FBXO41: variants seen among roughly 807,000 people sequenced by gnomAD.
FBXO41 encodes F-box protein 41.
Under a neutral mutation model 81.6 loss-of-function variants are expected in FBXO41, and 33 were observed. The ratio of observed to expected loss-of-function variants is 0.40; its 90% confidence interval spans 0.31 to 0.54. FBXO41 has a LOEUF of 0.54. FBXO41 is among the 20% of genes least tolerant of loss of function. The pLI, the probability that FBXO41 is intolerant of heterozygous loss-of-function variation, is 0.39. For synonymous variants in FBXO41, 576 were observed against 552.7 expected (o/e 1.04, Z -0.59); for missense variants, 1,107 against 1,236.0 (o/e 0.90, Z 1.56).
rs183572427 is a variant in FBXO41 at position 73,261,949 on chromosome 2, G to A, written c.2172-1091C>T. 1.9e-4 allele frequency among the ~76,000 whole-genome samples: 29 copies of A among 150,742 alleles called. No individual in the cohort carries two copies. The East Asian group carries it at 4.5e-3, about 23-fold the overall frequency. On this transcript the variant is annotated intron_variant, in intron 9 of 12. Transcript: ENST00000520530. ...AAATTATTGCAAAGTAGGGCTGGGCGCGGTGGCTTATGCCTGTAATCCCAG... is the reference window on the plus strand; with the variant it reads ...AAATTATTGCAAAGTAGGGCTGGGCACGGTGGCTTATGCCTGTAATCCCAG...
chr2:73,269,252 G>T lies in FBXO41; in HGVS notation c.379C>A (p.Leu127Met). The T allele has an allele frequency of 6.5e-7, 1 of 1,531,006 alleles. No individual in the cohort carries two copies. The highest frequency in any genetic ancestry group is 8.8e-7 in the Non-Finnish European group (1 of 1,139,372). The allele number at this position is 1,531,006 out of a possible 1,614,324, so 94.8% of individuals were successfully genotyped here. ...HFPGDLVPAS[L>M]PCEELAEPGL... is the part of the protein sequence containing the mutation. ...GGCTCGGCCAACTCCTCACAGGGCA[G>T]GCTAGCGGGCACCAGGTCGCCGGGG... The change falls in exon 2 of 13, where the codon CTG (leucine) becomes ATG (methionine). Residue 127 changes from leucine (L) to methionine (M), a missense_variant. This residue lies in a region of FBXO41 where 771 missense variants were observed against 789.2 expected (regional missense o/e 0.98). Transcript: ENST00000520530. This position sits in a 1 kb window ranked among gnomAD's most constrained non-coding sequence, Gnocchi z 7.0.
intron 1 of FBXO41, among the ~76,000 whole-genome samples, chr2:73,276,607 AGAGAGG>A (rs1688696331): frequency 1.1e-5 from 1 of 90,670 alleles, no homozygotes; most frequent in African/African-American, 6.4e-5. Context: ...AGAGAGAGGG[AGAGAGG>A]GAGAGAGGGA....
chr2:73,278,128 T>C (rs1397475297), intron 1 of FBXO41, among the ~76,000 whole-genome samples: 1 of 152,200 alleles, frequency 6.6e-6, no homozygotes, highest in Non-Finnish European at 1.5e-5. Context: ...TGGGATCCCA[T>C]GCTAGGACAG....
At position 73,258,664 on chromosome 2, in the gene FBXO41, G is replaced by T; in HGVS notation, c.*318C>A. On this transcript the variant is annotated 3_prime_UTR_variant, in exon 13 of 13. Coordinates refer to ENST00000520530, the MANE Select transcript of FBXO41 (RefSeq NM_001371389.2). ...GCTGAGGAGCCACTGGGTGGTTATT[G>T]CAGATCCTCCAGGTGATGACACCAG... 2.9e-6 allele frequency: 1 copy of T among 349,374 alleles called. No individual in the cohort carries two copies. The allele number at this position is 349,374 out of a possible 1,614,324, so 21.6% of individuals were successfully genotyped here. A position where few individuals can be genotyped will look rare whatever the true frequency, so the allele number is the denominator to read the frequency against.
At chr2:73,267,036 A>G (rs1431633753) in intron 2 of FBXO41, among the ~76,000 whole-genome samples, 1 of 152,174 alleles carries the variant, frequency 6.6e-6, no homozygotes, top group African/African-American at 2.4e-5. Context: ...ATGTACATCC[A>G]TATGCCATAA....
chr2:73,259,921 T>C lies in FBXO41; in HGVS notation c.2449+468A>G, dbSNP rs759267385. On this transcript the variant is annotated intron_variant, in intron 11 of 12. Coordinates refer to ENST00000520530, the MANE Select transcript of FBXO41 (RefSeq NM_001371389.2). This position sits in a 1 kb window ranked among gnomAD's most constrained non-coding sequence, Gnocchi z 4.2. ...GGAGCCAAAGGGTCCTGGCTGGTGGTCTCCTTGGGCAGGAGCAGCCCACAC... is the reference window on the plus strand; with the variant it reads ...GGAGCCAAAGGGTCCTGGCTGGTGGCCTCCTTGGGCAGGAGCAGCCCACAC... Among the ~76,000 whole-genome samples the C allele has an allele frequency of 3.3e-5, 5 of 151,982 alleles. No individual in the cohort carries two copies. Among genetic ancestry groups the C allele is most frequent in the Admixed American group, 6.5e-5 (1 of 15,272 alleles).
Position 73,266,873 on chromosome 2 carries a change from G to T in FBXO41, c.906-191C>A. ...ATGACACATACAGAAATGCATGCAT[G>T]CACTCCGAGCCACACACTCACACCC... is the stretch of plus-strand genomic sequence containing the variant. On this transcript the variant is annotated intron_variant, in intron 2 of 12. Coordinates refer to ENST00000520530, the MANE Select transcript of FBXO41 (RefSeq NM_001371389.2). The surrounding 1 kb of genome is among the most constrained non-coding windows in gnomAD (Gnocchi z 5.3). 1.2e-6 allele frequency: 1 copy of T among 852,328 alleles called. No homozygotes were observed. Among genetic ancestry groups the T allele is most frequent in the Non-Finnish European group, 1.6e-6 (1 of 612,212 alleles). The allele number at this position is 852,328 out of a possible 1,614,324, so 52.8% of individuals were successfully genotyped here.
At chr2:73,282,730 C>G (rs1482325424) in intron 1 of FBXO41, among the ~76,000 whole-genome samples, 1 of 152,126 alleles carries the variant, frequency 6.6e-6, no homozygotes, top group East Asian at 1.9e-4. Flanking sequence ...AAAACAAAAA[C>G]AAAAATGAAG....
rs1687943242 is a variant in FBXO41 at position 73,259,865 on chromosome 2, A to T, written c.2449+524T>A. 6.6e-6 allele frequency among the ~76,000 whole-genome samples: 1 copy of T among 152,058 alleles called. No homozygotes were observed. Among genetic ancestry groups the T allele is most frequent in the South Asian group, 2.1e-4 (1 of 4,810 alleles). On this transcript the variant is annotated intron_variant, in intron 11 of 12. Transcript: ENST00000520530. This position sits in a 1 kb window ranked among gnomAD's most constrained non-coding sequence, Gnocchi z 4.2. ...AAGGTCTTGGAAAGAGGGTCAAGGCACCTTGGCGCAGTTGGCATGGGGTCC... is the reference window on the plus strand; with the variant it reads ...AAGGTCTTGGAAAGAGGGTCAAGGCTCCTTGGCGCAGTTGGCATGGGGTCC...
Position 73,265,442 on chromosome 2 carries a change from C to T in FBXO41, c.1404G>A (p.Gln468=). 1.2e-6 allele frequency: 2 copies of T among 1,607,244 alleles called. No homozygotes were observed. The highest frequency in any genetic ancestry group is 1.1e-5 in the South Asian group (1 of 91,020). ...GTCGGCGGGGTCTGCGCTGCCAGTT[C>T]TGGATGGCCTGGCGCCGCAGGCCTG... ...RSSGLRRQAI[Q]NWQRRPRRHS... The change falls in exon 5 of 13, where the codon CAG becomes CAA. Residue 468 remains glutamine (Q), a synonymous_variant. Transcript: ENST00000520530.
rs745443423 is a variant in FBXO41, at chr2:73,268,827, G to A, written c.804C>T (p.Arg268=). Residue 268 remains arginine, a synonymous_variant, in exon 2 of 13, where the codon CGC becomes CGT. Coordinates refer to ENST00000520530, the MANE Select transcript of FBXO41 (RefSeq NM_001371389.2). ...LGREKEELEE[R]ASELSRQVDV... is the part of the protein sequence containing the mutation. ...CCACCTGGCGGGAGAGCTCAGACGC[G>A]CGCTCCTCCAGCTCCTCCTTCTCGC... 6.3e-7 allele frequency: 1 copy of A among 1,577,502 alleles called. No homozygotes were observed. Among genetic ancestry groups the A allele is most frequent in the East Asian group, 2.4e-5 (1 of 42,226 alleles).
chr2:73,282,369 C>T (rs1688872019), intron 1 of FBXO41, among the ~76,000 whole-genome samples: 1 of 152,162 alleles, frequency 6.6e-6, no homozygotes, highest in African/African-American at 2.4e-5. Context: ...AATTCAAAGG[C>T]AGGATGGTAA....
Position 73,265,383 on chromosome 2 carries a change from T to C in FBXO41, c.1463A>G (p.Asp488Gly). ...TGACTCAGTGGTTCGGGAGCCAACG[T>C]CGGAGACATCACCCTCTTCCCCCTC... ...STEGEEGDVS[D>G]VGSRTTESEA... The change falls in exon 5 of 13, where the codon GAC becomes GGC. Residue 488 changes from aspartate (D) to glycine (G), a missense_variant. By Grantham distance (94) the Asp-to-Gly change is moderately conservative (BLOSUM62 -1). Coordinates refer to ENST00000520530, the MANE Select transcript of FBXO41 (RefSeq NM_001371389.2). 6.2e-7 allele frequency: 1 copy of C among 1,611,546 alleles called. No individual in the cohort carries two copies. Among genetic ancestry groups the C allele is most frequent in the East Asian group, 2.2e-5 (1 of 44,866 alleles).
chr2:73,271,801 T>C lies in FBXO41; in HGVS notation c.-138-2033A>G, dbSNP rs187170214. 2.5e-4 allele frequency among the ~76,000 whole-genome samples: 38 copies of C among 152,188 alleles called. No homozygotes were observed. In the East Asian group the frequency reaches 6.2e-3, roughly 25 times the overall value. On this transcript the variant is annotated intron_variant, in intron 1 of 12. Coordinates refer to ENST00000520530, the MANE Select transcript of FBXO41 (RefSeq NM_001371389.2). ...ATGTGCCACCACGCCCAGCTAATTG[T>C]TGTATTTTTAGTAGAGACAGGATTT...
chr2:73,265,238 C>T (rs1688200483), intron 5 of FBXO41, 44 bp downstream of exon 5: 2 of 1,518,758 alleles, frequency 1.3e-6, no homozygotes, highest in South Asian at 1.3e-5. Context: ...AGGAGATTCA[C>T]TGCCTCAGAC....
intron 1 of FBXO41, among the ~76,000 whole-genome samples, chr2:73,281,559 G>A (rs569855901): frequency 6.6e-6 from 1 of 152,316 alleles, no homozygotes; most frequent in Admixed American, 6.5e-5. Context: ...TTGTCCTCTT[G>A]GAATACTCCC....
chr2:73,269,376 C>T lies in FBXO41; in HGVS notation c.255G>A (p.Glu85=). 2 of 1,495,738 alleles carry T rather than the reference C, an allele frequency of 1.3e-6. No individual in the cohort carries two copies. Among genetic ancestry groups the T allele is most frequent in the Non-Finnish European group, 1.8e-6 (2 of 1,126,276 alleles). The allele number at this position is 1,495,738 out of a possible 1,614,324, so 92.7% of individuals were successfully genotyped here. The change falls in exon 2 of 13, where the codon GAG becomes GAA. Residue 85 remains glutamate (E), a synonymous_variant. Coordinates refer to ENST00000520530, the MANE Select transcript of FBXO41 (RefSeq NM_001371389.2). The surrounding 1 kb of genome is among the most constrained non-coding windows in gnomAD (Gnocchi z 7.0). ...GCTCCTTGCCCTGGAAGGAAGTGCT[C>T]TCGAAGACCTCTCGCCGGGCGCCGG... The part of the protein sequence containing the change: ...AVPGARREVF[E]STSFQGKEQA...
rs776808388 is a variant in FBXO41, at chr2:73,265,554, G to A, written c.1292C>T (p.Ala431Val). The change falls in exon 5 of 13, where the codon GCC becomes GTC. Residue 431 changes from alanine (A) to valine (V), a missense_variant. Transcript: ENST00000520530. ...GCCCCCAGGGCCACTGTCCTCAGGG[G>A]CCCCCTCCTCTGGCCTGGGCAGCTC... ...SLELPRPEEG[A>V]PEDSGPGGLG... 8 of 1,581,642 alleles carry A rather than the reference G, an allele frequency of 5.1e-6. No individual in the cohort carries two copies. Among genetic ancestry groups the A allele is most frequent in the African/African-American group, 4.1e-5 (3 of 74,026 alleles).
rs1687894277 is a variant in FBXO41, at chr2:73,258,443, T to C, written c.*539A>G. 6.6e-6 allele frequency: 1 copy of C among 152,556 alleles called. No individual in the cohort carries two copies. Among genetic ancestry groups the C allele is most frequent in the African/African-American group, 2.4e-5 (1 of 41,448 alleles). 9.5% of individuals were successfully genotyped at this position (152,556 alleles called of 1,614,324 possible). On this transcript the variant is annotated 3_prime_UTR_variant, in exon 13 of 13. Coordinates refer to ENST00000520530, the MANE Select transcript of FBXO41 (RefSeq NM_001371389.2). ...GTGCCCAGGCCCCTAGGTCTGGCTG[T>C]GGTACCCCCAGGAAATGTGGATCCA...
Sources: allele counts gnomAD v4.1 joint callset (sites outside exome capture counted in the v4.1 genomes callset), GRCh38; gene constraint gnomAD v4.1.1; regional missense constraint gnomAD v4.1.1; non-coding constraint Gnocchi (gnomAD v3.1); transcripts MANE v1.5; gene names NCBI Gene and HGNC (gene_info 2026-07-23, HGNC 2026-07-21).